The following DIXDC1 variants were observed in gnomAD, a reference collection of about 807,000 sequenced individuals.
DIXDC1 encodes DIX domain containing 1.
A neutral mutation model predicts 103.1 loss-of-function variants in DIXDC1; 64 were observed. That is an observed-to-expected ratio of 0.62 (90% CI 0.51 to 0.76). DIXDC1 has a LOEUF of 0.76. DIXDC1 is among the 30% of genes least tolerant of loss of function. The probability of loss-of-function intolerance (pLI) is 0.00; values close to 1 mark genes in which losing one functional copy is unlikely to be tolerated. For missense variants in DIXDC1, 759 were observed against 834.2 expected (o/e 0.91, Z 1.11); for synonymous variants, 266 against 298.5 (o/e 0.89, Z 1.12).
chr11:111,976,249 TAG>T lies in DIXDC1; in HGVS notation c.656+1269_656+1270del, dbSNP rs1335286278. On this transcript the variant is annotated intron_variant, in intron 5 of 19. Transcript: ENST00000440460. The surrounding 1 kb of genome is among the most constrained non-coding windows in gnomAD (Gnocchi z 4.3). Reference sequence around the variant, plus strand: ...CTCTTCTGAGCCTGATAGTGCCTGCTAGAGTTGGTGGTAGGAGGAAGAGTGGA... The same window carrying T: ...CTCTTCTGAGCCTGATAGTGCCTGCTAGTTGGTGGTAGGAGGAAGAGTGGA... Among the ~76,000 whole-genome samples, 1 of 152,118 alleles carries T rather than the reference TAG, an allele frequency of 6.6e-6. No homozygotes were observed. Among genetic ancestry groups the T allele is most frequent in the Non-Finnish European group, 1.5e-5 (1 of 68,006 alleles).
intron 17 of DIXDC1, among the ~76,000 whole-genome samples, chr11:112,004,058 A>ATATATGTGTGTG (rs1861155892): frequency 6.8e-6 from 1 of 147,132 alleles, no homozygotes; most frequent in African/African-American, 2.5e-5. Context: ...ATGTATGTAT[A>ATATATGTGTGTG]TATATGTGTA....
At position 111,976,451 on chromosome 11, in the gene DIXDC1, A is replaced by G. The variant is rs966652802; in HGVS notation, c.656+1468A>G. Among the ~76,000 whole-genome samples, 3 of 152,022 alleles carry G rather than the reference A, an allele frequency of 2.0e-5. No homozygotes were observed. The highest frequency in any genetic ancestry group is 1.3e-4 in the Admixed American group (2 of 15,260). On this transcript the variant is annotated intron_variant, in intron 5 of 19. Transcript: ENST00000440460. This position sits in a 1 kb window ranked among gnomAD's most constrained non-coding sequence, Gnocchi z 4.3. ...AATTGTTTGCTTTACCCTGTTTTTCACTACTGGATTTTGACATTTTCTTCT... is the reference window on the plus strand; with the variant it reads ...AATTGTTTGCTTTACCCTGTTTTTCGCTACTGGATTTTGACATTTTCTTCT...
chr11:111,977,449 C>G lies in DIXDC1; in HGVS notation c.656+2466C>G. On this transcript the variant is annotated intron_variant, in intron 5 of 19. Coordinates refer to ENST00000440460, the MANE Select transcript of DIXDC1 (RefSeq NM_001037954.4). This position sits in a 1 kb window ranked among gnomAD's most constrained non-coding sequence, Gnocchi z 6.1. ...CCCGGCACCGTGCGTCCGCGGAGGC[C>G]AAGATGCAGCGGCCAGGGGCCGGCA... 2.4e-6 allele frequency: 3 copies of G among 1,258,706 alleles called. No individual in the cohort carries two copies. Among genetic ancestry groups the G allele is most frequent in the East Asian group, 4.5e-5 (1 of 22,332 alleles). The allele number at this position is 1,258,706 out of a possible 1,614,324, so 78.0% of individuals were successfully genotyped here. A position where few individuals can be genotyped will look rare whatever the true frequency, so the allele number is the denominator to read the frequency against.
chr11:111,970,202 T>C (rs587600502), intron 3 of DIXDC1, among the ~76,000 whole-genome samples: 1 of 152,258 alleles, frequency 6.6e-6, no homozygotes, highest in African/African-American at 2.4e-5. Flanking sequence ...ACTACAGGCA[T>C]GCGCCACCAT....
chr11:111,931,003 A>T (rs1965997746), intron 2 of DIXDC1, among the ~76,000 whole-genome samples: 1 of 151,372 alleles, frequency 6.6e-6, no homozygotes, highest in South Asian at 2.1e-4. Flanking sequence ...ACCGGTGCCC[A>T]CCACCATGCC....
intron 17 of DIXDC1, among the ~76,000 whole-genome samples, chr11:112,007,989 C>T (rs1555176788): frequency 6.6e-6 from 1 of 151,954 alleles, no homozygotes; most frequent in Non-Finnish European, 1.5e-5. Flanking sequence ...GGGCTAAATG[C>T]CCCAATGAAA....
chr11:111,975,348 T>C (rs1860062865), intron 5 of DIXDC1: 1 of 1,081,748 alleles, frequency 9.2e-7, no homozygotes, highest in South Asian at 3.0e-5. Flanking sequence ...TGAGCCTAAG[T>C]GTAACTCTTA....
At chr11:111,967,127 ATATATT>A (rs112358845) in intron 2 of DIXDC1, among the ~76,000 whole-genome samples, 6,221 of 151,904 alleles carry the variant, frequency 0.041, 405 homozygotes, top group African/African-American at 0.14. Context: ...CAGCCCTCTT[ATATATT>A]CTCTACTCCT....
At chr11:111,937,118 G>T, upstream of DIXDC1, 1 of 687,950 alleles carries the variant, frequency 1.5e-6, no homozygotes, top group Non-Finnish European at 1.7e-6. Context: ...ACACGCCCGT[G>T]CTGCGGCCCG....
chr11:111,960,862 GAA>G (rs1289894461), intron 1 of DIXDC1, among the ~76,000 whole-genome samples: 2 of 152,130 alleles, frequency 1.3e-5, no homozygotes, highest in Non-Finnish European at 2.9e-5. Flanking sequence ...GTTTCGCTGG[GAA>G]AAGACTCAAA....
chr11:111,980,629 A>T, intron 5 of DIXDC1, 108 bp from the exon 6 acceptor site: 1 of 760,384 alleles, frequency 1.3e-6, no homozygotes, highest in Non-Finnish European at 2.2e-6. Flanking sequence ...CCCATGGAGG[A>T]GTAAGATGAA....
intron 1 of DIXDC1, among the ~76,000 whole-genome samples, chr11:111,957,002 A>T (rs1859394062): frequency 6.7e-6 from 1 of 149,860 alleles, no homozygotes; most frequent in Non-Finnish European, 1.5e-5. Context: ...CTCTGTCTCT[A>T]TAAAAAAAAT....
In DIXDC1 at chr11:112,020,672, G is replaced by A. The variant is rs141133414; in HGVS notation, c.*1636G>A. ...TTTATTTTATTACGAGTATATTAAT[G>A]ACAACTAATTCCTGTTCCAATTCTA... On this transcript the variant is annotated 3_prime_UTR_variant, in exon 20 of 20. Transcript: ENST00000440460. 3 of 152,286 alleles carry A rather than the reference G, an allele frequency of 2.0e-5. No individual in the cohort carries two copies. Among genetic ancestry groups the A allele is most frequent in the East Asian group, 1.9e-4 (1 of 5,180 alleles). 9.4% of individuals were successfully genotyped at this position (152,286 alleles called of 1,614,324 possible). A position where few individuals can be genotyped will look rare whatever the true frequency, so the allele number is the denominator to read the frequency against.
chr11:111,983,449 AGTT>A (rs1179363229), intron 7 of DIXDC1, among the ~76,000 whole-genome samples: 1 of 152,146 alleles, frequency 6.6e-6, no homozygotes, highest in Non-Finnish European at 1.5e-5. Flanking sequence ...TCCCAAAGAA[AGTT>A]GTTGGTTTTC....
rs1235259744 is a variant in DIXDC1 at position 111,977,214 on chromosome 11, G to T, written c.656+2231G>T. ...CGCACCCTCAACCTCCGTCCAGAGC[G>T]GTCGGTTGGCCAGCGGAGCTGGCTT... On this transcript the variant is annotated intron_variant, in intron 5 of 19. Transcript: ENST00000440460. The surrounding 1 kb of genome is among the most constrained non-coding windows in gnomAD (Gnocchi z 6.1). 1.0e-6 allele frequency: 1 copy of T among 986,170 alleles called. No homozygotes were observed. The highest frequency in any genetic ancestry group is 1.2e-6 in the Non-Finnish European group (1 of 828,800). The allele number at this position is 986,170 out of a possible 1,614,324, so 61.1% of individuals were successfully genotyped here. A position where few individuals can be genotyped will look rare whatever the true frequency, so the allele number is the denominator to read the frequency against.
chr11:112,016,327 C>A (rs1303351345), intron 17 of DIXDC1, among the ~76,000 whole-genome samples: 1 of 152,070 alleles, frequency 6.6e-6, no homozygotes, highest in Non-Finnish European at 1.5e-5. Context: ...CTACTACGGA[C>A]CTCCAAAACC....
At chr11:112,014,141 T>C (rs1555177475) in intron 17 of DIXDC1, among the ~76,000 whole-genome samples, 1 of 152,194 alleles carries the variant, frequency 6.6e-6, no homozygotes, top group African/African-American at 2.4e-5. Flanking sequence ...ACTTTCAACA[T>C]GAGGTGTTGG....
chr11:112,007,949 C>T (rs1054824389), intron 17 of DIXDC1, among the ~76,000 whole-genome samples: 2 of 152,040 alleles, frequency 1.3e-5, no homozygotes, highest in African/African-American at 2.4e-5. Context: ...ATCAAATTCA[C>T]ACATAACAAT....
In DIXDC1 at chr11:111,973,488, G is replaced by A. The variant is rs190580719; in HGVS notation, c.317-535G>A. On this transcript the variant is annotated intron_variant, in intron 3 of 19. Coordinates refer to ENST00000440460, the MANE Select transcript of DIXDC1 (RefSeq NM_001037954.4). ...TATCGAGATATTTTGCATTTTGGGG[G>A]CATGTGTGTATGCTAAGTACATACT... Among the ~76,000 whole-genome samples the A allele has an allele frequency of 1.9e-3, 289 of 152,260 alleles. 4 individuals are homozygous for A. Among genetic ancestry groups the A allele is most frequent in the African/African-American group, 6.4e-3 (264 of 41,536 alleles).
Sources: allele counts gnomAD v4.1 joint callset (sites outside exome capture counted in the v4.1 genomes callset), GRCh38; gene constraint gnomAD v4.1.1; non-coding constraint Gnocchi (gnomAD v3.1); transcripts MANE v1.5; gene names NCBI Gene and HGNC (gene_info 2026-07-23, HGNC 2026-07-21).